Variants in HSPG2 observed in about 807,000 individuals in gnomAD.
The protein encoded by HSPG2 is heparan sulfate proteoglycan 2, also known as basement membrane-specific heparan sulfate proteoglycan core protein.
Under a neutral mutation model 526.6 loss-of-function variants are expected in HSPG2, and 278 were observed. The observed-to-expected ratio is 0.53, with a 90% CI of 0.48 to 0.58. The LOEUF is 0.58. HSPG2 is among the 20% of genes least tolerant of loss of function. The pLI is 0.00. For missense variants in HSPG2, 5,354 were observed against 6,099.5 expected, an observed-to-expected ratio of 0.88 and a Z score of 4.07; for synonymous variants, 2,465 against 2,555.4, an observed-to-expected ratio of 0.96 and a Z score of 1.07.
At position 21,854,279 on chromosome 1, in the gene HSPG2, C is replaced by G; in HGVS notation, c.6353G>C (p.Arg2118Pro). ...SPADSGEYVC[R>P]VENGSGPKEA... ...CTTGGGGCCCGATCCATTCTCCACA[C>G]GGCACACATATTCTCCAGAATCAGC... Residue 2118 changes from arginine (R) to proline (P), a missense_variant, in exon 50 of 97, where the codon CGT becomes CCT. Physicochemically the swap from Arg to Pro is moderately radical, Grantham distance 103. Transcript: ENST00000374695. The G allele has an allele frequency of 6.3e-7, 1 of 1,578,248 alleles. No homozygotes were observed. The highest frequency in any genetic ancestry group is 8.6e-7 in the Non-Finnish European group (1 of 1,161,522).
chr1:21,864,987 C>A lies in HSPG2; in HGVS notation c.4482G>T (p.Arg1494=), dbSNP rs776421059. 1 of 1,587,544 alleles carries A rather than the reference C, an allele frequency of 6.3e-7. No homozygotes were observed. ...ALADLDELLI[R]ATFSSVPLAA... Reference sequence around the variant, plus strand: ...CCAGCGGCACGGAGGAGAACGTGGCCCGGATCAGGAGCTCATCCAGGTCGG... The same window carrying A: ...CCAGCGGCACGGAGGAGAACGTGGCACGGATCAGGAGCTCATCCAGGTCGG... Residue 1494 remains arginine, a synonymous_variant, in exon 36 of 97, where the codon CGG becomes CGT. Coordinates refer to ENST00000374695, the MANE Select transcript of HSPG2 (RefSeq NM_005529.7). The surrounding 1 kb of genome is among the most constrained non-coding windows in gnomAD (Gnocchi z 4.8).
In HSPG2 at chr1:21,865,916, A is replaced by G. The variant is rs1640193839; in HGVS notation, c.4222-107T>C. ...GGCGGCCTTTTTGCACCTGTGCCAC[A>G]CTCCCCCACCCCCCTCCCTGCCCAA... On this transcript the variant is annotated intron_variant, in intron 33 of 96. Coordinates refer to ENST00000374695, the MANE Select transcript of HSPG2 (RefSeq NM_005529.7). This position sits in a 1 kb window ranked among gnomAD's most constrained non-coding sequence, Gnocchi z 5.4. 1.2e-6 allele frequency: 1 copy of G among 807,992 alleles called. No homozygotes were observed. The highest frequency in any genetic ancestry group is 2.1e-6 in the Non-Finnish European group (1 of 470,138). 50.1% of individuals were successfully genotyped at this position (807,992 alleles called of 1,614,324 possible).
At chr1:21,922,189 G>A (rs1250684857) in intron 1 of HSPG2, among the ~76,000 whole-genome samples, 2 of 151,840 alleles carry the variant, frequency 1.3e-5, no homozygotes, top group African/African-American at 2.4e-5. Context: ...AAACCCTGCA[G>A]TGTAGGAATT....
At chr1:21,936,165 G>C (rs1319991563) in intron 1 of HSPG2, among the ~76,000 whole-genome samples, 1 of 152,090 alleles carries the variant, frequency 6.6e-6, no homozygotes, top group African/African-American at 2.4e-5. Flanking sequence ...CGGCTCCCCA[G>C]ATGTGCCCCC....
rs902126897 is a variant in HSPG2, at chr1:21,870,747, C to T, written c.4221+1439G>A. The T allele has an allele frequency of 1.1e-4, 86 of 777,622 alleles. No individual in the cohort carries two copies. The East Asian group carries it at 3.1e-3, about 28-fold the overall frequency. The allele number at this position is 777,622 out of a possible 1,614,324, so 48.2% of individuals were successfully genotyped here. A position where few individuals can be genotyped will look rare whatever the true frequency, so the allele number is the denominator to read the frequency against. On this transcript the variant is annotated intron_variant, in intron 33 of 96. Transcript: ENST00000374695. ...CAGACCCCCAATGCCTTGGGCACTG[C>T]GCATCTCCCCACGCAGGGCTGGGAG...
At chr1:21,927,311 T>C (rs1390994412) in intron 1 of HSPG2, among the ~76,000 whole-genome samples, 1 of 152,066 alleles carries the variant, frequency 6.6e-6, no homozygotes, top group Non-Finnish European at 1.5e-5. Flanking sequence ...GCCCAAAGCA[T>C]AGGGTGGGGT....
rs141037727 is a variant in HSPG2 at position 21,908,830 on chromosome 1, A to G, written c.64-12520T>C. Among the ~76,000 whole-genome samples the G allele has an allele frequency of 2.9e-4, 44 of 152,356 alleles. 1 individual carries two copies. The highest frequency in any genetic ancestry group is 9.9e-4 in the African/African-American group (41 of 41,586). On this transcript the variant is annotated intron_variant, in intron 1 of 96. Transcript: ENST00000374695. ...AGGAACAGGGCTAAAGGAGGGGATT[A>G]CAAAGTCAGGACAGGCTGGGTGCGG...
At chr1:21,884,710 G>C (rs777984976) in intron 12 of HSPG2, 36 bp from the exon 13 acceptor site, 1 of 1,610,884 alleles carries the variant, frequency 6.2e-7, no homozygotes, top group Non-Finnish European at 8.5e-7. Context: ...GCAGCCGGCT[G>C]TGGTGGGCAG....
At chr1:21,835,875 T>C (rs574126962) in intron 75 of HSPG2, among the ~76,000 whole-genome samples, 32 of 151,166 alleles carry the variant, frequency 2.1e-4, no homozygotes, top group South Asian at 1.0e-3. Flanking sequence ...TCCCAGATAC[T>C]TGGGAGACTG....
intron 29 of HSPG2, among the ~76,000 whole-genome samples, chr1:21,873,649 A>T (rs1326812922): frequency 6.6e-6 from 1 of 152,166 alleles, no homozygotes; most frequent in Non-Finnish European, 1.5e-5. Flanking sequence ...TTCAGAAAGA[A>T]GCAGGGGTTT....
At position 21,824,414 on chromosome 1, in the gene HSPG2, T is replaced by G; in HGVS notation, c.12745-38A>C. The G allele has an allele frequency of 1.2e-6, 2 of 1,611,348 alleles. No individual in the cohort carries two copies. Among genetic ancestry groups the G allele is most frequent in the Non-Finnish European group, 1.7e-6 (2 of 1,178,110 alleles). On this transcript the variant is annotated intron_variant, in intron 93 of 96. Transcript: ENST00000374695. This position sits in a 1 kb window ranked among gnomAD's most constrained non-coding sequence, Gnocchi z 5.9. ...CACAGGGTCTCTGGGGTCCCCAGCC[T>G]GGAGAGCAGAGGCTGCCGAGGCCAG... is the stretch of plus-strand genomic sequence containing the variant.
chr1:21,860,934 A>T (rs1247932802), intron 39 of HSPG2, among the ~76,000 whole-genome samples: 1 of 152,214 alleles, frequency 6.6e-6, no homozygotes, highest in African/African-American at 2.4e-5. Flanking sequence ...GAGTGCAGGA[A>T]GCATATCAGG....
Position 21,853,020 on chromosome 1 carries a change from C to A in HSPG2, c.6490G>T (p.Ala2164Ser). 1 of 1,613,918 alleles carries A rather than the reference C, an allele frequency of 6.2e-7. No individual in the cohort carries two copies. The highest frequency in any genetic ancestry group is 8.5e-7 in the Non-Finnish European group (1 of 1,179,950). The change falls in exon 51 of 97, where the codon GCG becomes TCG. Residue 2164 changes from alanine to serine, a missense_variant. Physicochemically the swap from Ala to Ser is moderately conservative, Grantham distance 99. Coordinates refer to ENST00000374695, the MANE Select transcript of HSPG2 (RefSeq NM_005529.7). ...TTCAGATCCAGGGTCTGCCCTTCCG[C>A]CACGTGTGAGGAGGAGGGCTCGATG... ...IRIEPSSSHV[A>S]EGQTLDLNCV...
chr1:21,825,812 G>C (rs1572134383), intron 91 of HSPG2, among the ~76,000 whole-genome samples: 3 of 152,290 alleles, frequency 2.0e-5, no homozygotes, highest in African/African-American at 7.2e-5. Context: ...TTGAGATGGA[G>C]TCTCGCTCCG....
At chr1:21,841,323 G>C in intron 70 of HSPG2, 38 bp from the exon 71 acceptor site, 3 of 1,611,004 alleles carry the variant, frequency 1.9e-6, no homozygotes, top group Non-Finnish European at 2.5e-6. Flanking sequence ...ACACAGGCAG[G>C]GCTCTGCTGC....
At position 21,841,681 on chromosome 1, in the gene HSPG2, G is replaced by A. The variant is rs1205587360; in HGVS notation, c.9194-8C>T. The A allele has an allele frequency of 6.2e-7, 1 of 1,613,988 alleles. No individual in the cohort carries two copies. Among genetic ancestry groups the A allele is most frequent in the East Asian group, 2.2e-5 (1 of 44,896 alleles). Reference sequence around the variant, plus strand: ...GACTGATGTGGACGTTGTCTGTGAGGTTGCATGGGGGAGGGTGAGAGAGGA... The same window carrying A: ...GACTGATGTGGACGTTGTCTGTGAGATTGCATGGGGGAGGGTGAGAGAGGA... On this transcript the variant is annotated splice_region_variant and splice_polypyrimidine_tract_variant and intron_variant, in intron 69 of 96. Transcript: ENST00000374695.
At chr1:21,915,100 C>T (rs1031297497) in intron 1 of HSPG2, among the ~76,000 whole-genome samples, 4 of 152,264 alleles carry the variant, frequency 2.6e-5, no homozygotes, top group East Asian at 1.9e-4. Context: ...AGGGTGCCAG[C>T]GGGCCAGCCC....
At position 21,824,885 on chromosome 1, in the gene HSPG2, C is replaced by A. The variant is rs1377779593; in HGVS notation, c.12590-106G>T. ...CACGCCAACATGCAGGACTAGGGGG[C>A]TCCGAGCCTGCAGTCCCTGGGGACC... On this transcript the variant is annotated intron_variant, in intron 91 of 96. Transcript: ENST00000374695. This position sits in a 1 kb window ranked among gnomAD's most constrained non-coding sequence, Gnocchi z 5.9. The A allele has an allele frequency of 1.0e-5, 11 of 1,068,914 alleles. No homozygotes were observed. Among genetic ancestry groups the A allele is most frequent in the Admixed American group, 2.0e-5 (1 of 50,426 alleles). 66.2% of individuals were successfully genotyped at this position (1,068,914 alleles called of 1,614,324 possible). A position where few individuals can be genotyped will look rare whatever the true frequency, so the allele number is the denominator to read the frequency against.
chr1:21,894,631 A>C (rs1642614220), intron 3 of HSPG2, among the ~76,000 whole-genome samples: 1 of 152,076 alleles, frequency 6.6e-6, no homozygotes, highest in Non-Finnish European at 1.5e-5. Context: ...CTTCTCAGGA[A>C]GGGCAGGTGG....
Sources: gnomAD v4.1 joint callset for allele counts (sites outside exome capture counted in the v4.1 genomes callset) on GRCh38, gnomAD v4.1.1 for gene constraint, Gnocchi (gnomAD v3.1) non-coding constraint, MANE v1.5 for transcripts, NCBI Gene and HGNC (gene_info 2026-07-23, HGNC 2026-07-21) for gene names.